Variants in MYO5B observed in about 807,000 individuals in gnomAD.
MYO5B encodes unconventional myosin-Vb.
A neutral mutation model predicts 229.3 loss-of-function variants in MYO5B; 143 were observed. The ratio of observed to expected loss-of-function variants is 0.62; its 90% CI spans 0.54 to 0.72. The LOEUF is 0.72. Among genes scored for constraint, MYO5B ranks in the 30% least tolerant of loss-of-function variants. MYO5B has a pLI of 0.00. For synonymous variants in MYO5B, 918 were observed against 885.2 expected (o/e 1.04, Z -0.66); for missense variants, 2,321 against 2,331.0 (o/e 1.00, Z 0.09).
intron 1 of MYO5B, among the ~76,000 whole-genome samples, chr18:50,061,889 A>C (rs1391699985): frequency 6.6e-6 from 1 of 152,218 alleles, no homozygotes; most frequent in Non-Finnish European, 1.5e-5. Context: ...AGTAATCTTA[A>C]GTATTTGAGT....
At chr18:49,954,571 G>A (rs887659286) in intron 12 of MYO5B, 136 bp from the exon 13 acceptor site, 26 of 1,155,050 alleles carry the variant, frequency 2.3e-5, no homozygotes, top group African/African-American at 1.7e-4. Flanking sequence ...TTAACTGGAC[G>A]GTGCAAAGAA....
chr18:50,194,725 G>C, intron 1 of MYO5B, 42 bp downstream of exon 1: 1 of 1,406,864 alleles, frequency 7.1e-7, no homozygotes, highest in Non-Finnish European at 9.5e-7. Context: ...CCCCGAGCGC[G>C]CCACCCCGGC....
chr18:50,126,088 C>T (rs2032157942), intron 1 of MYO5B, among the ~76,000 whole-genome samples: 1 of 152,054 alleles, frequency 6.6e-6, no homozygotes, highest in African/African-American at 2.4e-5. Flanking sequence ...ACAATGTGAA[C>T]GTACTTAATG....
rs2144006230 is a variant in MYO5B, at chr18:49,824,058, A to G, written c.*2413T>C. 1 of 152,800 alleles carries G rather than the reference A, an allele frequency of 6.5e-6. No homozygotes were observed. The highest frequency in any genetic ancestry group is 3.4e-3 in the Middle Eastern group (1 of 294). 9.5% of individuals were successfully genotyped at this position (152,800 alleles called of 1,614,324 possible). A position where few individuals can be genotyped will look rare whatever the true frequency, so the allele number is the denominator to read the frequency against. On this transcript the variant is annotated 3_prime_UTR_variant, in exon 40 of 40. Transcript: ENST00000285039. ...TCAACTAAATTTTAAATATTAAAAA[A>G]TTAAAGAGACATCTAATGCAGAGTT...
At chr18:50,188,805 A>C (rs1048166284) in intron 1 of MYO5B, among the ~76,000 whole-genome samples, 20 of 66,440 alleles carry the variant, frequency 3.0e-4, no homozygotes, top group African/African-American at 5.3e-4. Context: ...AAAAAAAAAA[A>C]AAAAAAAAAA....
chr18:49,993,596 C>T (rs919615153), intron 5 of MYO5B, among the ~76,000 whole-genome samples: 1 of 152,178 alleles, frequency 6.6e-6, no homozygotes, highest in Non-Finnish European at 1.5e-5. Context: ...AGCTGCTGAG[C>T]CCAGGACTGG....
At chr18:49,924,845 A>G (rs1197097185) in intron 17 of MYO5B, among the ~76,000 whole-genome samples, 1 of 152,192 alleles carries the variant, frequency 6.6e-6, no homozygotes, top group Non-Finnish European at 1.5e-5. Flanking sequence ...ACCCATCCCT[A>G]TAGATAACAC....
intron 17 of MYO5B, among the ~76,000 whole-genome samples, chr18:49,926,973 T>G (rs964373063): frequency 2.0e-5 from 3 of 152,100 alleles, no homozygotes; most frequent in Non-Finnish European, 4.4e-5. Flanking sequence ...GATCACCAGA[T>G]TTACAGAAAG....
intron 19 of MYO5B, 44 bp downstream of exon 19, chr18:49,906,375 C>T (rs757533449): frequency 2.5e-6 from 4 of 1,585,626 alleles, no homozygotes; most frequent in Non-Finnish European, 2.6e-6. Context: ...CCCCCATCTT[C>T]CCCACCATGA....
intron 1 of MYO5B, among the ~76,000 whole-genome samples, chr18:50,125,522 GTAA>G (rs1181282715): frequency 2.0e-5 from 3 of 151,992 alleles, no homozygotes; most frequent in Non-Finnish European, 4.4e-5. Flanking sequence ...AAGTATAATA[GTAA>G]TAATAATAAA....
At chr18:50,149,082 C>T (rs1175217104) in intron 1 of MYO5B, among the ~76,000 whole-genome samples, 3 of 152,048 alleles carry the variant, frequency 2.0e-5, no homozygotes, top group Non-Finnish European at 2.9e-5. Context: ...CTCCCATTCA[C>T]AATTGCTTCA....
chr18:50,194,623 G>A (rs528288653), intron 1 of MYO5B, 144 bp downstream of exon 1: 10 of 545,314 alleles, frequency 1.8e-5, no homozygotes, highest in South Asian at 7.0e-5. Flanking sequence ...GGACTCCGAG[G>A]ACAGTGACGA....
intron 10 of MYO5B, among the ~76,000 whole-genome samples, chr18:49,965,482 C>CA (rs1568050783): frequency 2.6e-5 from 4 of 151,454 alleles, no homozygotes; most frequent in South Asian, 2.1e-4. Context: ...CACACACACA[C>CA]ACCTCTTCTC....
intron 17 of MYO5B, among the ~76,000 whole-genome samples, chr18:49,924,571 G>T (rs1427317540): frequency 1.3e-5 from 2 of 152,220 alleles, no homozygotes; most frequent in Non-Finnish European, 2.9e-5. Context: ...AGGGAGTTTT[G>T]CACTGTCTCA....
chr18:50,034,013 C>T (rs183341735), intron 4 of MYO5B, among the ~76,000 whole-genome samples: 16 of 152,302 alleles, frequency 1.1e-4, no homozygotes, highest in Non-Finnish European at 1.9e-4. Context: ...CTGTGTGAGC[C>T]ACATCAAGAA....
chr18:50,124,455 G>A (rs946911884), intron 1 of MYO5B, among the ~76,000 whole-genome samples: 34 of 152,078 alleles, frequency 2.2e-4, no homozygotes, highest in East Asian at 1.7e-3. Context: ...GGGAGTCATC[G>A]TTCTGCTCTT....
chr18:49,957,682 CAA>C (rs72450719), intron 12 of MYO5B, among the ~76,000 whole-genome samples: 9,383 of 120,834 alleles, frequency 0.078, 573 homozygotes, highest in African/African-American at 0.17. Context: ...CAAAAAAAGC[CAA>C]AAAAAAAAAA....
Position 50,191,172 on chromosome 18 carries a change from T to C in MYO5B, c.27+3595A>G, listed in dbSNP as rs143583120. Reference sequence around the variant, plus strand: ...TAGGCAACTACACAACTGCTTCTCATAGTAAAGCACAAGTGTGTTAATTGC... The same window carrying C: ...TAGGCAACTACACAACTGCTTCTCACAGTAAAGCACAAGTGTGTTAATTGC... On this transcript the variant is annotated intron_variant, in intron 1 of 39. Coordinates refer to ENST00000285039, the MANE Select transcript of MYO5B (RefSeq NM_001080467.3). Among the ~76,000 whole-genome samples, 313 of 152,318 alleles carry C rather than the reference T, an allele frequency of 2.1e-3. 2 individuals carry two copies. Among genetic ancestry groups the C allele is most frequent in the African/African-American group, 7.1e-3 (296 of 41,566 alleles).
At chr18:50,194,382 C>A (rs1280493530) in intron 1 of MYO5B, among the ~76,000 whole-genome samples, 1 of 152,160 alleles carries the variant, frequency 6.6e-6, no homozygotes, top group Non-Finnish European at 1.5e-5. Flanking sequence ...AGCGGGAGCA[C>A]CGCGGGGGCC....
Sources: gnomAD v4.1 joint callset for allele counts (sites outside exome capture counted in the v4.1 genomes callset) on GRCh38, gnomAD v4.1.1 for gene constraint, MANE v1.5 for transcripts, NCBI Gene and HGNC (gene_info 2026-07-23, HGNC 2026-07-21) for gene names.